Variants in CNTN6 observed in about 807,000 individuals in gnomAD.
The protein encoded by CNTN6 is contactin 6.
A neutral mutation model predicts 122.8 loss-of-function variants in CNTN6; 137 were observed. The observed-to-expected ratio is 1.12, with a 90% CI of 0.97 to 1.29. The LOEUF (loss-of-function observed/expected upper bound fraction) is 1.29, where lower values mean the gene tolerates loss of function less well. CNTN6 is among the 50% of genes most tolerant of loss of function. The pLI is 0.00. For synonymous variants in CNTN6, 570 were observed against 426.0 expected (o/e 1.34, Z -4.16); for missense variants, 1,634 against 1,223.4 (o/e 1.34, Z -5.01).
At chr3:1,182,860 A>ATC (rs1230495523) in intron 2 of CNTN6, among the ~76,000 whole-genome samples, 4 of 152,036 alleles carry the variant, frequency 2.6e-5, no homozygotes, top group Non-Finnish European at 4.4e-5. Flanking sequence ...TCTTTTTTGA[A>ATC]AAAAGTCATC....
At chr3:1,392,142 C>A (rs1255424852) in intron 20 of CNTN6, among the ~76,000 whole-genome samples, 2 of 152,366 alleles carry the variant, frequency 1.3e-5, no homozygotes, top group East Asian at 3.9e-4. Flanking sequence ...ATCACACTAC[C>A]TGACTTCAAA....
Position 1,385,638 on chromosome 3 carries a change from G to C in CNTN6, c.2545G>C (p.Glu849Gln). The part of the protein sequence containing the change: ...EVLYWTDDSK[E>Q]SMIGKIRVSG... ...CTTATACTGGACAGATGACTCCAAA[G>C]AATCCATGATAGGTAAAATTAGAGT... The change falls in exon 20 of 23, where the codon GAA (glutamate) becomes CAA (glutamine). Residue 849 changes from glutamate to glutamine, a missense_variant. Physicochemically the swap from Glu to Gln is conservative, Grantham distance 29. Coordinates refer to ENST00000446702, the MANE Select transcript of CNTN6 (RefSeq NM_001289080.2). 1 of 1,613,884 alleles carries C rather than the reference G, an allele frequency of 6.2e-7. No individual in the cohort carries two copies. The highest frequency in any genetic ancestry group is 8.5e-7 in the Non-Finnish European group (1 of 1,179,832).
rs941491138 is a variant in CNTN6, at chr3:1,238,824, A to T, written c.358+10831A>T. On this transcript the variant is annotated intron_variant, in intron 4 of 22. Coordinates refer to ENST00000446702, the MANE Select transcript of CNTN6 (RefSeq NM_001289080.2). The stretch of plus-strand genomic sequence containing the variant: ...CAGGCAAATACATGGAAATTAAATA[A>T]TCTGCTCCTGAATGATCAAACAAAA... 8.5e-5 allele frequency among the ~76,000 whole-genome samples: 13 copies of T among 152,302 alleles called. 1 individual carries two copies. In the East Asian group the frequency reaches 9.7e-4, roughly 11 times the overall value.
At chr3:1,342,175 G>A (rs572294821) in intron 11 of CNTN6, among the ~76,000 whole-genome samples, 1 of 152,196 alleles carries the variant, frequency 6.6e-6, no homozygotes, top group African/African-American at 2.4e-5. Flanking sequence ...TTTCACCCAG[G>A]CTTGAGTGTA....
At chr3:1,293,288 C>A (rs1368289800) in intron 5 of CNTN6, among the ~76,000 whole-genome samples, 1 of 151,446 alleles carries the variant, frequency 6.6e-6, no homozygotes, top group Admixed American at 6.6e-5. Flanking sequence ...TTCCTAAAAT[C>A]TCATTCCTTT....
chr3:1,202,538 C>T (rs570496602), intron 2 of CNTN6, among the ~76,000 whole-genome samples: 41 of 98,200 alleles, frequency 4.2e-4, no homozygotes, highest in African/African-American at 2.0e-3. Context: ...CAGACTCCGT[C>T]TCAAAAAATA....
chr3:1,400,208 T>C (rs1277884467), intron 20 of CNTN6, among the ~76,000 whole-genome samples: 1 of 152,146 alleles, frequency 6.6e-6, no homozygotes, highest in East Asian at 1.9e-4. Flanking sequence ...GGCAGTTTTA[T>C]CTTTACTTCC....
chr3:1,289,654 T>C (rs1348074698), intron 5 of CNTN6, among the ~76,000 whole-genome samples: 2 of 143,308 alleles, frequency 1.4e-5, no homozygotes, highest in African/African-American at 5.3e-5. Flanking sequence ...GTTTTATCTT[T>C]TGTTTTGTTT....
rs1692775344 is a variant in CNTN6 at position 1,385,671 on chromosome 3, A to T, written c.2578A>T (p.Asn860Tyr). Residue 860 changes from asparagine to tyrosine, a missense_variant, in exon 20 of 23, where the codon AAT becomes TAT. Transcript: ENST00000446702. ...GATAGGTAAAATTAGAGTCAGTGGAAATGTCACAACCAAAAACATCACGGG... is the reference window on the plus strand; with the variant it reads ...GATAGGTAAAATTAGAGTCAGTGGATATGTCACAACCAAAAACATCACGGG... ...SMIGKIRVSGNVTTKNITGLK... is the reference protein window; with the variant it reads ...SMIGKIRVSGYVTTKNITGLK... 1 of 1,613,990 alleles carries T rather than the reference A, an allele frequency of 6.2e-7. No individual in the cohort carries two copies. Among genetic ancestry groups the T allele is most frequent in the Non-Finnish European group, 8.5e-7 (1 of 1,179,958 alleles).
intron 1 of CNTN6, among the ~76,000 whole-genome samples, chr3:1,147,160 TC>T: frequency 6.6e-6 from 1 of 152,228 alleles, no homozygotes; most frequent in East Asian, 1.9e-4. Context: ...AAAATATGTT[TC>T]CACTATGTTA....
At chr3:1,306,390 G>C (rs1447690284) in intron 7 of CNTN6, among the ~76,000 whole-genome samples, 1 of 151,908 alleles carries the variant, frequency 6.6e-6, no homozygotes, top group African/African-American at 2.4e-5. Context: ...ACAAATCTGA[G>C]AACTAAAAAA....
rs574621531 is a variant in CNTN6, at chr3:1,103,210, T to A, written c.-83+10090T>A. 2.6e-5 allele frequency among the ~76,000 whole-genome samples: 4 copies of A among 152,326 alleles called. No homozygotes were observed. The South Asian group carries it at 8.3e-4, about 32-fold the overall frequency. ...GAACACACTTGTTTAAAGTGGAACA[T>A]GAAGGTGTTTTCTAGGCATTTAATG... On this transcript the variant is annotated intron_variant, in intron 1 of 22. Transcript: ENST00000446702.
chr3:1,299,726 A>G (rs1696874106), intron 7 of CNTN6, among the ~76,000 whole-genome samples: 1 of 152,198 alleles, frequency 6.6e-6, no homozygotes, highest in Non-Finnish European at 1.5e-5. Context: ...CTAAGTAAAT[A>G]GTAAGAGAAC....
chr3:1,265,048 T>TTTTTTTC (rs1269614092), intron 4 of CNTN6, among the ~76,000 whole-genome samples: 10 of 143,704 alleles, frequency 7.0e-5, no homozygotes, highest in African/African-American at 2.8e-4. Flanking sequence ...AATTTCCTTT[T>TTTTTTTC]TTTTTTTTTT....
At chr3:1,350,543 T>C (rs1216907903) in intron 11 of CNTN6, among the ~76,000 whole-genome samples, 4 of 151,900 alleles carry the variant, frequency 2.6e-5, no homozygotes, top group African/African-American at 9.7e-5. Flanking sequence ...ATAATCAGCC[T>C]CAATGATGGC....
intron 4 of CNTN6, among the ~76,000 whole-genome samples, chr3:1,273,835 A>C (rs1331655440): frequency 6.6e-6 from 1 of 152,218 alleles, no homozygotes; most frequent in Non-Finnish European, 1.5e-5. Context: ...ATTTAAGTGG[A>C]AGTGAACACA....
chr3:1,210,747 A>T (rs962146006), intron 2 of CNTN6, among the ~76,000 whole-genome samples: 1 of 152,188 alleles, frequency 6.6e-6, no homozygotes, highest in Non-Finnish European at 1.5e-5. Flanking sequence ...GTTCAACTAC[A>T]TCATTTGCAG....
chr3:1,403,958 T>C lies in CNTN6; in HGVS notation c.*540T>C, dbSNP rs1259181275. 1 of 152,170 alleles carries C rather than the reference T, an allele frequency of 6.6e-6. No homozygotes were observed. The highest frequency in any genetic ancestry group is 1.5e-5 in the Non-Finnish European group (1 of 68,034). 9.4% of individuals were successfully genotyped at this position (152,170 alleles called of 1,614,324 possible). A position where few individuals can be genotyped will look rare whatever the true frequency, so the allele number is the denominator to read the frequency against. The stretch of plus-strand genomic sequence containing the variant: ...TTACTCAAGAATATTTCAATATACA[T>C]GATGTTCTTCTCAGCCCACTTTTCA... On this transcript the variant is annotated 3_prime_UTR_variant, in exon 23 of 23. Transcript: ENST00000446702.
At chr3:1,321,154 T>C (rs1700789080) in intron 7 of CNTN6, among the ~76,000 whole-genome samples, 1 of 151,664 alleles carries the variant, frequency 6.6e-6, no homozygotes, top group African/African-American at 2.4e-5. Context: ...CCAGTTTAGA[T>C]CTGGAATACT....
Sources: gnomAD v4.1 joint callset for allele counts (sites outside exome capture counted in the v4.1 genomes callset) on GRCh38, gnomAD v4.1.1 for gene constraint, MANE v1.5 for transcripts, NCBI Gene and HGNC (gene_info 2026-07-23, HGNC 2026-07-21) for gene names.